Variants in IQCK observed in about 807,000 individuals in gnomAD.
IQCK encodes IQ motif containing K.
IQCK carries 29 observed loss-of-function variants against 28.1 expected under a neutral mutation model. The observed-to-expected ratio is 1.03, with a 90% CI of 0.77 to 1.41. The LOEUF is 1.41. Ranked by LOEUF, IQCK falls within the 40% of genes most tolerant of loss-of-function variation. The probability of loss-of-function intolerance (pLI) is 0.00; values close to 1 mark genes in which losing one functional copy is unlikely to be tolerated. For missense variants in IQCK, 359 were observed against 314.7 expected (o/e 1.14, Z -1.07); for synonymous variants, 113 against 115.1 (o/e 0.98, Z 0.12).
chr16:19,853,636 C>T (rs534035867), intron 9 of IQCK, among the ~76,000 whole-genome samples: 2 of 152,204 alleles, frequency 1.3e-5, no homozygotes, highest in East Asian at 1.9e-4. Context: ...ATCTCTCTCT[C>T]TCTTTTTCTT....
intron 4 of IQCK, among the ~76,000 whole-genome samples, chr16:19,756,366 A>G (rs1187215684): frequency 6.6e-6 from 1 of 152,106 alleles, no homozygotes; most frequent in African/African-American, 2.4e-5. Flanking sequence ...AAGATAAGCC[A>G]CTGAGACTTG....
At chr16:19,720,212 C>A (rs1263365120) in intron 1 of IQCK, among the ~76,000 whole-genome samples, 1 of 152,182 alleles carries the variant, frequency 6.6e-6, no homozygotes, top group Non-Finnish European at 1.5e-5. Context: ...TCCAACCTTA[C>A]ATTGTGCTAG....
At chr16:19,776,791 T>TTA (rs2055402277) in intron 6 of IQCK, among the ~76,000 whole-genome samples, 1 of 152,134 alleles carries the variant, frequency 6.6e-6, no homozygotes, top group African/African-American at 2.4e-5. Flanking sequence ...GTTCTTACCT[T>TTA]TTAACAGGGG....
rs112057469 is a variant in IQCK, at chr16:19,835,633, G to A, written c.802+8496G>A. 8.6e-3 allele frequency among the ~76,000 whole-genome samples: 1,234 copies of A among 143,422 alleles called. 18 individuals carry two copies. Among genetic ancestry groups the A allele is most frequent in the African/African-American group, 0.03 (1,160 of 38,266 alleles). 94.1% of individuals were successfully genotyped at this position (143,422 alleles called of 152,430 possible). A position where few individuals can be genotyped will look rare whatever the true frequency, so the allele number is the denominator to read the frequency against. The stretch of plus-strand genomic sequence containing the variant: ...AGAGTCTTGCTCTGTCGCCCAGACT[G>A]AAGTGCAGTGGCACAGTCTTGGGTC... On this transcript the variant is annotated intron_variant, in intron 9 of 9. Transcript: ENST00000320394.
rs1285948916 is a variant in IQCK, at chr16:19,735,865, C to T, written c.474+415C>T. On this transcript the variant is annotated intron_variant, in intron 4 of 7. Transcript: ENST00000564186. ...ATCACTTGATGCCAGGAGCTCAAGA[C>T]CACTGGGCAACATAGTGAGACCCCC... is the stretch of plus-strand genomic sequence containing the variant. 3 of 340,328 alleles carry T rather than the reference C, an allele frequency of 8.8e-6. No homozygotes were observed. In the East Asian group the frequency reaches 2.3e-4, roughly 26 times the overall value. 21.1% of individuals were successfully genotyped at this position (340,328 alleles called of 1,614,324 possible).
At chr16:19,779,453 T>A (rs2055444450) in intron 6 of IQCK, among the ~76,000 whole-genome samples, 1 of 152,116 alleles carries the variant, frequency 6.6e-6, no homozygotes, top group Admixed American at 6.5e-5. Flanking sequence ...CTTTTGAAAA[T>A]TTAATGAGTA....
intron 1 of IQCK, among the ~76,000 whole-genome samples, chr16:19,722,216 G>A (rs994759215): frequency 1.3e-5 from 2 of 152,146 alleles, no homozygotes; most frequent in African/African-American, 4.8e-5. Context: ...CTTAGCATAG[G>A]ATGCGTTCAC....
At chr16:19,807,447 A>G (rs896685729) in intron 7 of IQCK, among the ~76,000 whole-genome samples, 10 of 152,246 alleles carry the variant, frequency 6.6e-5, no homozygotes, top group South Asian at 2.1e-4. Flanking sequence ...ATAAAAGTAG[A>G]AGCAGGAAAA....
exon 10 of IQCK, chr16:19,856,660 G>A: frequency 1.2e-6 from 1 of 826,804 alleles, no homozygotes; most frequent in South Asian, 1.6e-5. Context: ...TGGAACATGT[G>A]CAAATGGAAT....
intron 2 of IQCK, among the ~76,000 whole-genome samples, chr16:19,732,922 G>A (rs554374265): frequency 1.4e-4 from 21 of 152,320 alleles, no homozygotes; most frequent in Admixed American, 1.4e-3. Context: ...CGAAGGACCA[G>A]AAAGAAGCCT....
chr16:19,778,600 C>T (rs905062131), intron 6 of IQCK, among the ~76,000 whole-genome samples: 3 of 151,702 alleles, frequency 2.0e-5, no homozygotes, highest in African/African-American at 4.8e-5. Context: ...GAGGCTGCAG[C>T]GAGCCATTAA....
At chr16:19,784,516 G>A (rs908290791) in intron 6 of IQCK, among the ~76,000 whole-genome samples, 2 of 152,286 alleles carry the variant, frequency 1.3e-5, no homozygotes, top group East Asian at 3.9e-4. Flanking sequence ...GGGCAGAGAG[G>A]CAACTACTCA....
At chr16:19,756,757 C>T (rs1362450216) in intron 4 of IQCK, among the ~76,000 whole-genome samples, 4 of 152,114 alleles carry the variant, frequency 2.6e-5, no homozygotes, top group African/African-American at 7.2e-5. Context: ...ATTAGCCGGG[C>T]GTGGTGGCAT....
intron 9 of IQCK, among the ~76,000 whole-genome samples, chr16:19,842,481 C>T (rs907502835): frequency 6.6e-6 from 1 of 152,136 alleles, no homozygotes; most frequent in African/African-American, 2.4e-5. Flanking sequence ...ACCAAGGTAC[C>T]TTGGGAAATA....
downstream of IQCK, among the ~76,000 whole-genome samples, chr16:19,829,681 G>A (rs570221342): frequency 1.3e-5 from 2 of 152,102 alleles, no homozygotes; most frequent in Admixed American, 6.6e-5. Flanking sequence ...ATGCCCAGTT[G>A]TTTTGTGCTT....
At chr16:19,834,994 G>A (rs1371468838) in intron 9 of IQCK, among the ~76,000 whole-genome samples, 1 of 152,200 alleles carries the variant, frequency 6.6e-6, no homozygotes, top group East Asian at 1.9e-4. Context: ...GCCAGGTGCG[G>A]TGGCTCATGC....
intron 4 of IQCK, among the ~76,000 whole-genome samples, chr16:19,758,623 A>G (rs906003492): frequency 6.6e-6 from 1 of 152,168 alleles, no homozygotes; most frequent in South Asian, 2.1e-4. Flanking sequence ...ACATATTTGC[A>G]TTGTTATACA....
At chr16:19,728,028 T>C (rs567004568) in intron 1 of IQCK, among the ~76,000 whole-genome samples, 33 of 152,044 alleles carry the variant, frequency 2.2e-4, no homozygotes, top group Admixed American at 4.6e-4. Context: ...TGACTTTAAA[T>C]TAGGGAGATT....
At chr16:19,840,558 T>G (rs2056353106) in intron 9 of IQCK, among the ~76,000 whole-genome samples, 1 of 152,220 alleles carries the variant, frequency 6.6e-6, no homozygotes, top group African/African-American at 2.4e-5. Context: ...AAAGGAGTGT[T>G]TGTTTACATT....
Sources: allele counts gnomAD v4.1 joint callset (sites outside exome capture counted in the v4.1 genomes callset), GRCh38; gene constraint gnomAD v4.1.1; transcripts MANE v1.5; gene names NCBI Gene and HGNC (gene_info 2026-07-23, HGNC 2026-07-21).